The following PAK1 variants were observed in gnomAD, a reference collection of about 807,000 sequenced individuals.
The protein encoded by PAK1 is serine/threonine-protein kinase PAK 1.
In PAK1, 29 loss-of-function variants were observed where a neutral mutation model predicts 67.4. The observed-to-expected ratio is 0.43, with a 90% CI of 0.32 to 0.59. The LOEUF is 0.59. Among genes scored for constraint, PAK1 ranks in the 20% least tolerant of loss-of-function variants. The probability of loss-of-function intolerance (pLI) is 0.07; values close to 1 mark genes in which losing one functional copy is unlikely to be tolerated. For missense variants in PAK1, 337 were observed against 670.7 expected (o/e 0.50, Z 5.50); for synonymous variants, 223 against 237.4 (o/e 0.94, Z 0.56).
chr11:77,466,615 A>T (rs1957610044), intron 1 of PAK1, among the ~76,000 whole-genome samples: 1 of 152,114 alleles, frequency 6.6e-6, no homozygotes, highest in African/African-American at 2.4e-5. Flanking sequence ...AAAAAAAAAA[A>T]AGTCTTCAAA....
At chr11:77,457,438 G>C (rs976553416) in intron 1 of PAK1, among the ~76,000 whole-genome samples, 1 of 152,166 alleles carries the variant, frequency 6.6e-6, no homozygotes, top group Non-Finnish European at 1.5e-5. Flanking sequence ...TGAAGGCTGC[G>C]GCTCTGCAGT....
chr11:77,415,916 T>C (rs1954923150), intron 1 of PAK1, among the ~76,000 whole-genome samples: 1 of 151,904 alleles, frequency 6.6e-6, no homozygotes, highest in Non-Finnish European at 1.5e-5. Context: ...CACAAGCACA[T>C]TGTACAGCTA....
chr11:77,426,425 C>G (rs1367378426), intron 1 of PAK1, among the ~76,000 whole-genome samples: 3 of 152,130 alleles, frequency 2.0e-5, no homozygotes, highest in African/African-American at 7.2e-5. Flanking sequence ...ATCATTTAAC[C>G]TAATAACAGC....
chr11:77,371,371 C>T (rs1415140420), intron 5 of PAK1, among the ~76,000 whole-genome samples: 1 of 152,164 alleles, frequency 6.6e-6, no homozygotes, highest in African/African-American at 2.4e-5. Context: ...CTCTTGCAGC[C>T]CTTATCTCCC....
chr11:77,355,629 T>C (rs1282577055), intron 7 of PAK1, 39 bp downstream of exon 7: 1 of 1,556,688 alleles, frequency 6.4e-7, no homozygotes, highest in Non-Finnish European at 8.8e-7. Flanking sequence ...TGACCAGTCA[T>C]AAAACGAAGA....
At chr11:77,397,582 G>A (rs1040120787) in intron 1 of PAK1, among the ~76,000 whole-genome samples, 12 of 152,184 alleles carry the variant, frequency 7.9e-5, no homozygotes, top group Non-Finnish European at 1.6e-4. Flanking sequence ...ACAGTAGAAA[G>A]ACGGGAAAGA....
At chr11:77,397,574 A>G (rs900673366) in intron 1 of PAK1, among the ~76,000 whole-genome samples, 2 of 152,234 alleles carry the variant, frequency 1.3e-5, no homozygotes, top group Non-Finnish European at 2.9e-5. Flanking sequence ...ACAGTGCTAC[A>G]GTAGAAAGAC....
intron 6 of PAK1, among the ~76,000 whole-genome samples, chr11:77,356,699 C>T (rs1946084092): frequency 6.6e-6 from 1 of 152,084 alleles, no homozygotes; most frequent in African/African-American, 2.4e-5. Context: ...ATTAAATGTC[C>T]TATTCATTCA....
At chr11:77,406,039 C>G (rs933334565) in intron 1 of PAK1, among the ~76,000 whole-genome samples, 4 of 152,196 alleles carry the variant, frequency 2.6e-5, no homozygotes, top group Non-Finnish European at 5.9e-5. Flanking sequence ...TTCCATCTTT[C>G]TGTCTACTCC....
chr11:77,404,796 C>T, intron 1 of PAK1, among the ~76,000 whole-genome samples: 1 of 152,174 alleles, frequency 6.6e-6, no homozygotes, highest in East Asian at 1.9e-4. Context: ...TCAACCTTTC[C>T]CTCTCTGTTA....
At chr11:77,503,527 T>C in the PAK1 span, among the ~76,000 whole-genome samples, 2 of 152,234 alleles carry the variant, frequency 1.3e-5, no homozygotes, top group East Asian at 1.9e-4. Flanking sequence ...ATGTGGGTTA[T>C]CTCTATCAAT....
chr11:77,330,316 C>T (rs1481294455), intron 14 of PAK1, among the ~76,000 whole-genome samples: 3 of 151,968 alleles, frequency 2.0e-5, no homozygotes, highest in Non-Finnish European at 2.9e-5. Flanking sequence ...AAAAAGAGCC[C>T]GCATCGCCGA....
chr11:77,511,253 G>A, the PAK1 span, among the ~76,000 whole-genome samples: 1 of 152,160 alleles, frequency 6.6e-6, no homozygotes, highest in African/African-American at 2.4e-5. Flanking sequence ...GCTCACTTCT[G>A]CCATCAGGAT....
intron 1 of PAK1, among the ~76,000 whole-genome samples, chr11:77,408,818 G>A (rs937631644): frequency 2.6e-5 from 4 of 152,022 alleles, no homozygotes; most frequent in African/African-American, 9.7e-5. Context: ...TTTAAAAACT[G>A]GCAAAGATCT....
At chr11:77,454,407 G>C (rs1384330674) in intron 1 of PAK1, among the ~76,000 whole-genome samples, 1 of 152,128 alleles carries the variant, frequency 6.6e-6, no homozygotes, top group East Asian at 1.9e-4. Context: ...TTGTGAGCTA[G>C]ACATTCAAGA....
At chr11:77,438,909 C>CA (rs1956240879) in intron 1 of PAK1, among the ~76,000 whole-genome samples, 1 of 152,158 alleles carries the variant, frequency 6.6e-6, no homozygotes. Flanking sequence ...ACCACTCACC[C>CA]ACAAAGACAT....
the PAK1 span, among the ~76,000 whole-genome samples, chr11:77,510,915 C>G: frequency 6.6e-6 from 1 of 152,120 alleles, no homozygotes; most frequent in Non-Finnish European, 1.5e-5. Flanking sequence ...AGCATTGTTT[C>G]TTTCTGTTAG....
chr11:77,333,577 G>A (rs1007497954), intron 13 of PAK1, among the ~76,000 whole-genome samples: 1 of 152,140 alleles, frequency 6.6e-6, no homozygotes, highest in Admixed American at 6.6e-5. Context: ...CCAGCTGCTG[G>A]CAGAAATTAT....
chr11:77,342,137 T>G (rs1357527967), intron 10 of PAK1, among the ~76,000 whole-genome samples: 1 of 152,210 alleles, frequency 6.6e-6, no homozygotes, highest in African/African-American at 2.4e-5. Flanking sequence ...AGTTCCCCTC[T>G]GGGACATCTC....
Sources: allele counts gnomAD v4.1 joint callset (sites outside exome capture counted in the v4.1 genomes callset), GRCh38; gene constraint gnomAD v4.1.1; transcripts MANE v1.5; gene names NCBI Gene and HGNC (gene_info 2026-07-23, HGNC 2026-07-21).